The following OTOF variants were observed in gnomAD, a reference collection of about 807,000 sequenced individuals.
The protein encoded by OTOF is fer-1-like family member 2.
In OTOF, 218 loss-of-function variants were observed where a neutral mutation model predicts 236.8. The ratio of observed to expected loss-of-function variants is 0.92; its 90% CI spans 0.82 to 1.03. OTOF has a LOEUF of 1.03. Among genes scored for constraint, OTOF ranks in the 50% least tolerant of loss-of-function variants. The pLI is 0.00. For synonymous variants in OTOF, 1,041 were observed against 1,072.5 expected, an observed-to-expected ratio of 0.97 and a Z score of 0.57; for missense variants, 2,590 against 2,694.4, an observed-to-expected ratio of 0.96 and a Z score of 0.86.
chr2:26,531,885 G>C (rs1666957014), intron 2 of OTOF, among the ~76,000 whole-genome samples: 1 of 152,084 alleles, frequency 6.6e-6, no homozygotes, highest in Non-Finnish European at 1.5e-5. Context: ...TTTGAGGTTA[G>C]GAGTTTGATA....
At chr2:26,489,073 G>A in intron 11 of OTOF, 138 bp downstream of exon 11, 1 of 715,090 alleles carries the variant, frequency 1.4e-6, no homozygotes, top group South Asian at 1.5e-5. Context: ...CAGGCCAGAT[G>A]GCTGTGTGTA....
At chr2:26,515,099 TGATCCCTCCGG>T (rs1421918295) in intron 5 of OTOF, among the ~76,000 whole-genome samples, 1 of 152,264 alleles carries the variant, frequency 6.6e-6, no homozygotes, top group African/African-American at 2.4e-5. Flanking sequence ...TGTTCCTCTG[TGATCCCTCCGG>T]CTCTCCCAGC....
At chr2:26,553,691 C>T (rs1045358821) in intron 1 of OTOF, among the ~76,000 whole-genome samples, 7 of 152,070 alleles carry the variant, frequency 4.6e-5, no homozygotes, top group Middle Eastern at 3.2e-3. Flanking sequence ...TCTTAAATAC[C>T]GCCCATTTCC....
chr2:26,525,231 G>C (rs1396846773), intron 3 of OTOF, among the ~76,000 whole-genome samples: 1 of 152,178 alleles, frequency 6.6e-6, no homozygotes, highest in Non-Finnish European at 1.5e-5. Flanking sequence ...CAGCATTTCT[G>C]AAATGCCCTT....
intron 14 of OTOF, 125 bp downstream of exon 14, chr2:26,482,281 G>T: frequency 1.1e-6 from 1 of 940,740 alleles, no homozygotes; most frequent in Non-Finnish European, 1.7e-6. Flanking sequence ...GCAAGGCCCT[G>T]GAAGCACCTG....
intron 1 of OTOF, among the ~76,000 whole-genome samples, chr2:26,545,661 CTAGAAGCT>C (rs1271476861): frequency 6.6e-6 from 1 of 152,122 alleles, no homozygotes; most frequent in Non-Finnish European, 1.5e-5. Context: ...ATATTTTCTT[CTAGAAGCT>C]TATAAGTTTT....
rs1246042159 is a variant in OTOF at position 26,462,331 on chromosome 2, G to T, written c.5193-150C>A. ...GGCTGGGGCTGGAGGAGTGGTTTGG[G>T]GTTGGGGGAGCAGAGGCATGAGTGA... On this transcript the variant is annotated intron_variant, in intron 41 of 46. Coordinates refer to ENST00000272371, the MANE Select transcript of OTOF (RefSeq NM_194248.3). The surrounding 1 kb of genome is among the most constrained non-coding windows in gnomAD (Gnocchi z 4.7). 12 of 733,868 alleles carry T rather than the reference G, an allele frequency of 1.6e-5. No homozygotes were observed. In the East Asian group the frequency reaches 2.9e-4, roughly 18 times the overall value. 45.5% of individuals were successfully genotyped at this position (733,868 alleles called of 1,614,324 possible).
Position 26,460,677 on chromosome 2 carries a change from C to G in OTOF, c.5783G>C (p.Arg1928Pro). The change falls in exon 45 of 47, where the codon CGC (arginine) becomes CCC (proline). Residue 1928 changes from arginine to proline, a missense_variant. Physicochemically the swap from Arg to Pro is moderately radical, Grantham distance 103. This residue lies in a region of OTOF where 1,211 missense variants were observed against 1,352.8 expected (regional missense o/e 0.90). Coordinates refer to ENST00000272371, the MANE Select transcript of OTOF (RefSeq NM_194248.3). The surrounding 1 kb of genome is among the most constrained non-coding windows in gnomAD (Gnocchi z 5.3). ...EAEKNPVGLA[R>P]NEPDPLEKPN... is the part of the protein sequence containing the mutation. ...TTTCTCTAGGGGGTCAGGTTCATTG[C>G]GGGCCAGGCCCACTGGGTTCTTCTC... 6 of 1,614,022 alleles carry G rather than the reference C, an allele frequency of 3.7e-6. No homozygotes were observed. Among genetic ancestry groups the G allele is most frequent in the Non-Finnish European group, 5.1e-6 (6 of 1,179,922 alleles).
At chr2:26,514,859 G>C (rs1474701278) in intron 5 of OTOF, among the ~76,000 whole-genome samples, 1 of 152,196 alleles carries the variant, frequency 6.6e-6, no homozygotes, top group Non-Finnish European at 1.5e-5. Flanking sequence ...TTAGAGCCCG[G>C]CTTCTGGTTT....
rs886055877 is a variant in OTOF at position 26,476,962 on chromosome 2, C to A, written c.2605G>T (p.Asp869Tyr). 1.2e-6 allele frequency: 2 copies of A among 1,611,134 alleles called. No homozygotes were observed. Among genetic ancestry groups the A allele is most frequent in the Middle Eastern group, 1.6e-4 (1 of 6,080 alleles). Residue 869 changes from aspartate to tyrosine, a missense_variant, in exon 22 of 47, where the codon GAC becomes TAC. This residue lies in a region of OTOF where 1,379 missense variants were observed against 1,341.6 expected (regional missense o/e 1.03). Coordinates refer to ENST00000272371, the MANE Select transcript of OTOF (RefSeq NM_194248.3). ...RVAYARVPSK[D>Y]LLFSIVEEET... The stretch of plus-strand genomic sequence containing the variant: ...TCCTCCACGATGGAGAAGAGCAGGT[C>A]CTTGGAGGGCACACGGGCATAGGCG...
intron 9 of OTOF, among the ~76,000 whole-genome samples, chr2:26,493,673 G>A (rs1053861428): frequency 1.3e-5 from 2 of 152,220 alleles, no homozygotes; most frequent in Admixed American, 1.3e-4. Flanking sequence ...CGAACAGAAT[G>A]TAGAGGAGGG....
At chr2:26,459,483 C>T (rs1218903056) in intron 46 of OTOF, among the ~76,000 whole-genome samples, 3 of 144,022 alleles carry the variant, frequency 2.1e-5, no homozygotes, top group Admixed American at 7.4e-5. Flanking sequence ...ACCCGGGAGG[C>T]GGAGCTGGCA....
rs754280163 is a variant in OTOF at position 26,476,230 on chromosome 2, G to A, written c.2764C>T (p.Arg922Cys). The A allele has an allele frequency of 5.0e-6, 8 of 1,608,540 alleles. No individual in the cohort carries two copies. The highest frequency in any genetic ancestry group is 4.0e-5 in the African/African-American group (3 of 74,888). Residue 922 changes from arginine to cysteine, a missense_variant, in exon 23 of 47, where the codon CGC becomes TGC. This residue lies in a region of OTOF where 1,379 missense variants were observed against 1,341.6 expected (regional missense o/e 1.03). Transcript: ENST00000272371. ...GGCAGGCCGCACAGGAACTCCTTGC[G>A]CTGTTTGCTGAGGCCCAGCCACAGG... is the stretch of plus-strand genomic sequence containing the variant. ...LYLWLGLSKQ[R>C]KEFLCGLPCG...
rs748163718 is a variant in OTOF, at chr2:26,558,597, C to G, written c.-26G>C. On this transcript the variant is annotated 5_prime_UTR_variant, in exon 1 of 47. Coordinates refer to ENST00000272371, the MANE Select transcript of OTOF (RefSeq NM_194248.3). ...GCTGGTGTGGGCTGCCTGGCACTGC[C>G]AGGCAGGAGCAGCGGGAAGGAGCTA... 2 of 1,596,366 alleles carry G rather than the reference C, an allele frequency of 1.3e-6. No homozygotes were observed.
chr2:26,464,837 G>A (rs778848996), intron 39 of OTOF, 32 bp downstream of exon 39: 1 of 1,593,296 alleles, frequency 6.3e-7, no homozygotes, highest in Non-Finnish European at 8.6e-7. Context: ...CCCTGGAGAG[G>A]GGGCAGGCGG....
At chr2:26,505,122 A>G (rs1666215522) in intron 5 of OTOF, among the ~76,000 whole-genome samples, 1 of 152,132 alleles carries the variant, frequency 6.6e-6, no homozygotes, top group Non-Finnish European at 1.5e-5. Context: ...CAACCCCAGG[A>G]CCTTTCTTTA....
Position 26,461,640 on chromosome 2 carries a change from C to T in OTOF, c.5533+56G>A. On this transcript the variant is annotated intron_variant, in intron 43 of 46. Coordinates refer to ENST00000272371, the MANE Select transcript of OTOF (RefSeq NM_194248.3). This position sits in a 1 kb window ranked among gnomAD's most constrained non-coding sequence, Gnocchi z 6.2. ...GCTCTCCCTGTCCCCGCCAACCCGG[C>T]CCCTGCCTCTTCTCAGTTCTGGATC... 1 of 1,608,392 alleles carries T rather than the reference C, an allele frequency of 6.2e-7. No homozygotes were observed. Among genetic ancestry groups the T allele is most frequent in the Non-Finnish European group, 8.5e-7 (1 of 1,179,258 alleles).
At chr2:26,465,643 C>T in intron 38 of OTOF, 29 bp downstream of exon 38, 3 of 1,608,166 alleles carry the variant, frequency 1.9e-6, no homozygotes, top group South Asian at 2.2e-5. Flanking sequence ...GGCACACTGC[C>T]CCCGCCCTCT....
At chr2:26,520,860 C>T (rs990279301) in intron 3 of OTOF, among the ~76,000 whole-genome samples, 4 of 152,234 alleles carry the variant, frequency 2.6e-5, no homozygotes, top group Non-Finnish European at 4.4e-5. Context: ...ATCAGTGGTT[C>T]TCAAACTTCA....
Sources: gnomAD v4.1 joint callset for allele counts (sites outside exome capture counted in the v4.1 genomes callset) on GRCh38, gnomAD v4.1.1 for gene constraint, gnomAD v4.1.1 regional missense constraint, Gnocchi (gnomAD v3.1) non-coding constraint, MANE v1.5 for transcripts, NCBI Gene and HGNC (gene_info 2026-07-23, HGNC 2026-07-21) for gene names.